ANKRA2: variants seen among roughly 807,000 people sequenced by gnomAD.
ANKRA2 encodes ankyrin repeat family A protein 2.
ANKRA2 carries 33 observed loss-of-function variants against 37.8 expected under a neutral mutation model. The observed-to-expected ratio is 0.87, with a 90% CI of 0.66 to 1.17. ANKRA2 has a LOEUF of 1.17. Among genes scored for constraint, ANKRA2 ranks in the 50% most tolerant of loss-of-function variants. ANKRA2 has a pLI of 0.00. For synonymous variants in ANKRA2, 126 were observed against 132.3 expected, an observed-to-expected ratio of 0.95 and a Z score of 0.33; for missense variants, 326 against 373.7, an observed-to-expected ratio of 0.87 and a Z score of 1.05.
chr5:73,558,020 T>G (rs1044711208), intron 3 of ANKRA2, among the ~76,000 whole-genome samples: 4 of 151,896 alleles, frequency 2.6e-5, no homozygotes, highest in Non-Finnish European at 5.9e-5. Context: ...GAGGTTGCAG[T>G]GAACTGAGAT....
rs1416429700 is a variant in ANKRA2 at position 73,562,840 on chromosome 5, G to A, written c.42C>T (p.Ile14=). ...TATAAGTGCTGGGACACTCTTCCAC[G>A]ATAAGCTGGGCTCCAATATCCAGAT... is the stretch of plus-strand genomic sequence containing the variant. ...STNLDIGAQL[I]VEECPSTYSL... Residue 14 remains isoleucine, a synonymous_variant, in exon 2 of 9, where the codon ATC becomes ATT. Transcript: ENST00000296785. 1.9e-5 allele frequency: 31 copies of A among 1,612,966 alleles called. No homozygotes were observed. The highest frequency in any genetic ancestry group is 2.4e-5 in the Non-Finnish European group (28 of 1,179,132).
At chr5:73,554,773 TC>T in intron 6 of ANKRA2, 87 bp downstream of exon 6, 4 of 1,447,940 alleles carry the variant, frequency 2.8e-6, no homozygotes, top group Non-Finnish European at 3.8e-6. Flanking sequence ...GTCTATTTCT[TC>T]TTTAATAAAA....
At chr5:73,559,901 G>A (rs1258028297) in intron 3 of ANKRA2, among the ~76,000 whole-genome samples, 1 of 152,034 alleles carries the variant, frequency 6.6e-6, no homozygotes, top group African/African-American at 2.4e-5. Context: ...TGGGACTACA[G>A]GTGTTTGCCA....
Position 73,553,481 on chromosome 5 carries a change from C to A in ANKRA2, c.811G>T (p.Gly271Trp). The part of the protein sequence containing the change: ...VKCVKMLLES[G>W]ADPTIETDSG... ...TCAGTTTCAATTGTTGGATCAGCCC[C>A]ACTTTCTATACCAAAATAGAAAAAC... Residue 271 changes from glycine to tryptophan, a missense_variant, in exon 8 of 9, where the codon GGG becomes TGG. Gly to Trp is a radical substitution (Grantham distance 184). Coordinates refer to ENST00000296785, the MANE Select transcript of ANKRA2 (RefSeq NM_023039.5). The A allele has an allele frequency of 6.2e-7, 1 of 1,611,788 alleles. No homozygotes were observed. Among genetic ancestry groups the A allele is most frequent in the Non-Finnish European group, 8.5e-7 (1 of 1,178,166 alleles).
In ANKRA2 at chr5:73,562,808, G is replaced by T; in HGVS notation, c.74C>A (p.Thr25Asn). The T allele has an allele frequency of 5.6e-6, 9 of 1,614,150 alleles. No homozygotes were observed. Among genetic ancestry groups the T allele is most frequent in the Non-Finnish European group, 7.6e-6 (9 of 1,180,022 alleles). Reference protein sequence around the residue: ...VEECPSTYSLTGMPDIKIEHP... With the variant: ...VEECPSTYSLNGMPDIKIEHP... ...TTCTATTTTAATGTCTGGCATGCCAGTTAGGCTATAAGTGCTGGGACACTC... is the reference window on the plus strand; with the variant it reads ...TTCTATTTTAATGTCTGGCATGCCATTTAGGCTATAAGTGCTGGGACACTC... Residue 25 changes from threonine (T) to asparagine (N), a missense_variant, in exon 2 of 9, where the codon ACT becomes AAT. Physicochemically the swap from Thr to Asn is moderately conservative, Grantham distance 65. Around this residue, in one of 3 missense-constraint regions of ANKRA2, gnomAD observed 93 missense variants for 91.1 expected, o/e 1.02. Coordinates refer to ENST00000296785, the MANE Select transcript of ANKRA2 (RefSeq NM_023039.5).
intron 3 of ANKRA2, among the ~76,000 whole-genome samples, chr5:73,559,452 G>T (rs917331322): frequency 2.6e-5 from 4 of 151,866 alleles, no homozygotes; most frequent in Non-Finnish European, 5.9e-5. Context: ...TGGATTCAAG[G>T]TGTTAAAATA....
At chr5:73,554,595 A>C (rs1342336252) in intron 6 of ANKRA2, among the ~76,000 whole-genome samples, 1 of 152,000 alleles carries the variant, frequency 6.6e-6, no homozygotes, top group East Asian at 1.9e-4. Context: ...ATTCTTCTTT[A>C]TTTATTCTTT....
intron 4 of ANKRA2, among the ~76,000 whole-genome samples, chr5:73,556,023 T>A (rs1477817524): frequency 2.0e-5 from 3 of 152,342 alleles, no homozygotes; most frequent in Non-Finnish European, 4.4e-5. Context: ...GATTATATGA[T>A]AGCCCTCAGA....
rs868061645 is a variant in ANKRA2 at position 73,555,302 on chromosome 5, T to C, written c.612+186A>G. 5.2e-5 allele frequency: 63 copies of C among 1,218,578 alleles called. No individual in the cohort carries two copies. In the African/African-American group the frequency reaches 7.8e-4, roughly 15 times the overall value. The allele number at this position is 1,218,578 out of a possible 1,614,324, so 75.5% of individuals were successfully genotyped here. A position where few individuals can be genotyped will look rare whatever the true frequency, so the allele number is the denominator to read the frequency against. ...AGGGGTCTGGGCGTTAAATTATTTC[T>C]CACTGTTGCATGTATGATTAGTCTT... On this transcript the variant is annotated intron_variant, in intron 5 of 8. Transcript: ENST00000296785.
chr5:73,556,990 AT>A (rs1312691707), intron 4 of ANKRA2, among the ~76,000 whole-genome samples: 12 of 148,926 alleles, frequency 8.1e-5, no homozygotes, highest in Non-Finnish European at 1.3e-4. Flanking sequence ...ATATAAAAAA[AT>A]ACATATATAT....
intron 3 of ANKRA2, 72 bp downstream of exon 3, chr5:73,561,058 T>C: frequency 7.1e-7 from 1 of 1,405,368 alleles, no homozygotes; most frequent in Non-Finnish European, 9.7e-7. Flanking sequence ...TTTAATGAAA[T>C]AATGTTTTAA....
chr5:73,565,077 C>A (rs1747691180), intron 1 of ANKRA2, 55 bp downstream of exon 1: 1 of 152,132 alleles, frequency 6.6e-6, no homozygotes, highest in Non-Finnish European at 1.5e-5. Context: ...TCTTCCTGAT[C>A]CTGGAATTAT....
Position 73,553,391 on chromosome 5 carries a change from T to G in ANKRA2, c.886+15A>C, listed in dbSNP as rs748116493. 6 of 1,589,616 alleles carry G rather than the reference T, an allele frequency of 3.8e-6. No homozygotes were observed. The highest frequency in any genetic ancestry group is 4.5e-5 in the East Asian group (2 of 44,636). ...GCTTTACTAAGATGAGACACAGGAGTTCTAACATACTTACCACTTCTATAG... is the reference window on the plus strand; with the variant it reads ...GCTTTACTAAGATGAGACACAGGAGGTCTAACATACTTACCACTTCTATAG... On this transcript the variant is annotated intron_variant, in intron 8 of 8. Transcript: ENST00000296785.
At chr5:73,565,111 T>C (rs1436483956) in intron 1 of ANKRA2, 21 bp downstream of exon 1, 1 of 152,010 alleles carries the variant, frequency 6.6e-6, no homozygotes, top group African/African-American at 2.4e-5. Context: ...GAAGGTGCTA[T>C]GAAAATAAAT....
At position 73,554,372 on chromosome 5, in the gene ANKRA2, A is replaced by C; in HGVS notation, c.755T>G (p.Leu252Arg). Residue 252 changes from leucine to arginine, a missense_variant, in exon 7 of 9, where the codon CTG (leucine) becomes CGG (arginine). This residue lies in a region of ANKRA2 where 228 missense variants were observed against 260.2 expected (regional missense o/e 0.88). Transcript: ENST00000296785. ...NEYDWNGGTP[L>R]LYAVHGNHVK... ...ATGATTTCCATGTACAGCATAAAGC[A>C]GAGGTGTTCCTCCATTCTGCAAAAT... 3 of 1,613,458 alleles carry C rather than the reference A, an allele frequency of 1.9e-6. No individual in the cohort carries two copies. The highest frequency in any genetic ancestry group is 2.5e-6 in the Non-Finnish European group (3 of 1,179,592).
chr5:73,561,860 A>T (rs1747565226), intron 2 of ANKRA2, among the ~76,000 whole-genome samples: 1 of 152,184 alleles, frequency 6.6e-6, no homozygotes, highest in African/African-American at 2.4e-5. Context: ...TAGTTTTATT[A>T]TTCAGGGTAT....
rs2562283 is a variant in ANKRA2, at chr5:73,554,317, C to T, written c.805+5G>A. 6.2e-7 allele frequency: 1 copy of T among 1,612,550 alleles called. No homozygotes were observed. The highest frequency in any genetic ancestry group is 1.1e-5 in the South Asian group (1 of 90,944). ...ATGGCATTTTCTAAATTTTTATCTGCTTACCTAAGAGCATCTTTACACATT... is the reference window on the plus strand; with the variant it reads ...ATGGCATTTTCTAAATTTTTATCTGTTTACCTAAGAGCATCTTTACACATT... On this transcript the variant is annotated splice_donor_5th_base_variant and intron_variant, in intron 7 of 8. Transcript: ENST00000296785.
rs1301906682 is a variant in ANKRA2, at chr5:73,562,956, T to C, written c.-75A>G. 71 of 1,342,598 alleles carry C rather than the reference T, an allele frequency of 5.3e-5. No individual in the cohort carries two copies. The Admixed American group carries it at 1.8e-3, about 33-fold the overall frequency. 83.2% of individuals were successfully genotyped at this position (1,342,598 alleles called of 1,614,324 possible). The stretch of plus-strand genomic sequence containing the variant: ...TTGGTTTTGTAAGAGCAGTATCCAG[T>C]GTGTTCTTGGAATCTGGATATTTAA... On this transcript the variant is annotated 5_prime_UTR_variant, in exon 2 of 9. Transcript: ENST00000296785.
At chr5:73,552,897 A>G (rs1747291288) in intron 8 of ANKRA2, 45 bp from the exon 9 acceptor site, 1 of 1,471,786 alleles carries the variant, frequency 6.8e-7, no homozygotes, top group Admixed American at 2.0e-5. Context: ...TGACTATAAA[A>G]TTTCTTTTAA....
Sources: allele counts gnomAD v4.1 joint callset (sites outside exome capture counted in the v4.1 genomes callset), GRCh38; gene constraint gnomAD v4.1.1; regional missense constraint gnomAD v4.1.1; transcripts MANE v1.5; gene names NCBI Gene and HGNC (gene_info 2026-07-23, HGNC 2026-07-21).